The following TET1 variants were observed in gnomAD, a reference collection of about 807,000 sequenced individuals.
TET1 encodes the protein tet methylcytosine dioxygenase 1, also known as methylcytosine dioxygenase TET1.
A neutral mutation model predicts 148.7 loss-of-function variants in TET1; 13 were observed. That is an observed-to-expected ratio of 0.09 (90% CI 0.06 to 0.14). The LOEUF (loss-of-function observed/expected upper bound fraction) is 0.14. TET1 is among the 10% of genes least tolerant of loss of function. The pLI, the probability that TET1 is intolerant of heterozygous loss-of-function variation, is 1.00. For missense variants in TET1, 2,182 were observed against 2,553.8 expected (o/e 0.85, Z 3.14); for synonymous variants, 907 against 937.2 (o/e 0.97, Z 0.59).
At chr10:68,664,421 T>A (rs1019261097) in intron 6 of TET1, among the ~76,000 whole-genome samples, 7 of 151,542 alleles carry the variant, frequency 4.6e-5, no homozygotes, top group African/African-American at 1.2e-4. Context: ...TTATTTTTTT[T>A]AATTTTTTTG....
At chr10:68,617,391 C>G (rs188154320) in intron 3 of TET1, among the ~76,000 whole-genome samples, 4 of 151,716 alleles carry the variant, frequency 2.6e-5, no homozygotes, top group African/African-American at 7.3e-5. Flanking sequence ...AACTCCCAGC[C>G]TCAAGCGATC....
Position 68,652,564 on chromosome 10 carries a change from A to G in TET1, c.4431A>G (p.Lys1477=). 1 of 1,612,574 alleles carries G rather than the reference A, an allele frequency of 6.2e-7. No individual in the cohort carries two copies. The highest frequency in any genetic ancestry group is 1.7e-5 in the Admixed American group (1 of 59,906). The change falls in exon 6 of 12, where the codon AAA becomes AAG. Residue 1477 remains lysine, a synonymous_variant. Transcript: ENST00000373644. Reference sequence around the variant, plus strand: ...TAGTGTACACCGGTAAAGAAGGGAAAAGCTCTCATGGGTGTCCAATTGCTA... The same window carrying G: ...TAGTGTACACCGGTAAAGAAGGGAAGAGCTCTCATGGGTGTCCAATTGCTA... ...EIVVYTGKEG[K]SSHGCPIAKW... is the part of the protein sequence containing the mutation.
intron 2 of TET1, among the ~76,000 whole-genome samples, chr10:68,586,485 GTTTTT>G (rs11437924): frequency 7.5e-6 from 1 of 133,500 alleles, no homozygotes; most frequent in Admixed American, 7.6e-5. Context: ...GCCAGCTAAC[GTTTTT>G]TTTTTTTTTT....
intron 3 of TET1, among the ~76,000 whole-genome samples, chr10:68,630,845 A>C (rs746355978): frequency 3.3e-5 from 5 of 152,166 alleles, no homozygotes; most frequent in Admixed American, 1.3e-4. Context: ...TGGAGAATTG[A>C]AGTGACGACG....
chr10:68,575,951 C>T (rs1176420936), intron 2 of TET1, among the ~76,000 whole-genome samples: 108 of 149,110 alleles, frequency 7.2e-4, no homozygotes, highest in African/African-American at 2.3e-3. Flanking sequence ...ACCCGGGAGG[C>T]GGAGCTTGCA....
chr10:68,639,501 GTC>G (rs1010089421), intron 3 of TET1, among the ~76,000 whole-genome samples: 3 of 150,012 alleles, frequency 2.0e-5, no homozygotes, highest in Admixed American at 6.6e-5. Context: ...TTTAGACAGG[GTC>G]TCTCGCCCAG....
chr10:68,574,274 T>C lies in TET1; in HGVS notation c.1914+22T>C, dbSNP rs561373006. ...GGAGGTAAGCAAACAGTCAAGGGGC[T>C]GGGAGACAGCTGACACTTGGTATAG... is the stretch of plus-strand genomic sequence containing the variant. On this transcript the variant is annotated intron_variant, in intron 2 of 11. Transcript: ENST00000373644. 4.4e-6 allele frequency: 7 copies of C among 1,590,354 alleles called. No individual in the cohort carries two copies. In the South Asian group the frequency reaches 7.9e-5, roughly 18 times the overall value.
chr10:68,636,070 G>A (rs933551068), intron 3 of TET1, among the ~76,000 whole-genome samples: 1 of 152,172 alleles, frequency 6.6e-6, no homozygotes, highest in Non-Finnish European at 1.5e-5. Context: ...AGAAGTTTAA[G>A]ATATTTGAAT....
chr10:68,665,407 C>T (rs1005668895), intron 6 of TET1, among the ~76,000 whole-genome samples: 1 of 152,002 alleles, frequency 6.6e-6, no homozygotes, highest in Non-Finnish European at 1.5e-5. Flanking sequence ...TGAATTTATA[C>T]TCCTCTGCAT....
intron 2 of TET1, among the ~76,000 whole-genome samples, chr10:68,597,457 C>G (rs1589062731): frequency 6.6e-6 from 1 of 152,118 alleles, no homozygotes; most frequent in East Asian, 1.9e-4. Flanking sequence ...ACAGAAGAGG[C>G]ATAATGTGTA....
rs773272621 is a variant in TET1, at chr10:68,646,137, T to C, written c.3408T>C (p.Gly1136=). The change falls in exon 4 of 12, where the codon GGT becomes GGC. Residue 1136 remains glycine (G), a synonymous_variant. Transcript: ENST00000373644. Reference sequence around the variant, plus strand: ...CTTCAAGTGTACACAATAATCATGGTTCATCATTAACAAAACAAAAGAACC... The same window carrying C: ...CTTCAAGTGTACACAATAATCATGGCTCATCATTAACAAAACAAAAGAACC... ...KPPSSVHNNH[G]SSLTKQKNPT... is the part of the protein sequence containing the mutation. 8 of 1,613,076 alleles carry C rather than the reference T, an allele frequency of 5.0e-6. No individual in the cohort carries two copies. In the East Asian group the frequency reaches 8.9e-5, roughly 18 times the overall value.
At chr10:68,587,715 A>G (rs1308801850) in intron 2 of TET1, among the ~76,000 whole-genome samples, 1 of 152,222 alleles carries the variant, frequency 6.6e-6, no homozygotes, top group Non-Finnish European at 1.5e-5. Context: ...AAGCTGGCAA[A>G]GGAAAGGAAG....
At chr10:68,639,327 C>T (rs771340431) in intron 3 of TET1, among the ~76,000 whole-genome samples, 6 of 151,686 alleles carry the variant, frequency 4.0e-5, no homozygotes, top group Admixed American at 6.6e-5. Flanking sequence ...GTGGCTGAGG[C>T]GGGAGAATCA....
Position 68,600,971 on chromosome 10 carries a change from T to C in TET1, c.1915-10T>C. 3.1e-6 allele frequency: 5 copies of C among 1,591,242 alleles called. No homozygotes were observed. Among genetic ancestry groups the C allele is most frequent in the Non-Finnish European group, 4.3e-6 (5 of 1,172,650 alleles). ...AACAGAGGCTCATTTTGCAATTTGA[T>C]TTTTTTTAGGTTATAAAGGAAAACA... On this transcript the variant is annotated splice_polypyrimidine_tract_variant and intron_variant, in intron 2 of 11. Coordinates refer to ENST00000373644, the MANE Select transcript of TET1 (RefSeq NM_030625.3).
chr10:68,570,158 G>A (rs2053651983), intron 1 of TET1, among the ~76,000 whole-genome samples: 1 of 151,416 alleles, frequency 6.6e-6, no homozygotes, highest in African/African-American at 2.4e-5. Context: ...AGGCTGGAGT[G>A]CCATGGTGCA....
Position 68,644,764 on chromosome 10 carries a change from C to A in TET1, c.2035C>A (p.His679Asn). 1.2e-6 allele frequency: 2 copies of A among 1,612,970 alleles called. No homozygotes were observed. The highest frequency in any genetic ancestry group is 1.1e-5 in the South Asian group (1 of 90,664). Residue 679 changes from histidine (H) to asparagine (N), a missense_variant, in exon 4 of 12, where the codon CAT (histidine) becomes AAT (asparagine). His to Asn is a moderately conservative substitution (Grantham distance 68). Transcript: ENST00000373644. ...SESMDYSRCG[H>N]GEEQKLELNP... ...ATCCATGGACTACAGTAGATGTGGT[C>A]ATGGGGAAGAACAAAAATTGGAATT... is the stretch of plus-strand genomic sequence containing the variant.
chr10:68,674,472 C>A, intron 8 of TET1: 1 of 398,120 alleles, frequency 2.5e-6, no homozygotes, highest in Admixed American at 3.1e-5. Flanking sequence ...CACCAGAACC[C>A]AAGGAACCAT....
At chr10:68,601,075 AT>A in intron 3 of TET1, 41 bp downstream of exon 3, 2 of 1,542,362 alleles carry the variant, frequency 1.3e-6, no homozygotes, top group Middle Eastern at 2.0e-4. Context: ...TTATTTTTCC[AT>A]TTCATATAGT....
intron 2 of TET1, among the ~76,000 whole-genome samples, chr10:68,582,147 C>A (rs2053805987): frequency 6.7e-6 from 1 of 149,566 alleles, no homozygotes; most frequent in Non-Finnish European, 1.5e-5. Context: ...GTTGCCCAAG[C>A]TGTTGTGCAA....
Sources: gnomAD v4.1 joint callset for allele counts (sites outside exome capture counted in the v4.1 genomes callset) on GRCh38, gnomAD v4.1.1 for gene constraint, MANE v1.5 for transcripts, NCBI Gene and HGNC (gene_info 2026-07-23, HGNC 2026-07-21) for gene names.